CPNE3: variants seen among roughly 807,000 people sequenced by gnomAD.
The protein encoded by CPNE3 is copine-3.
In CPNE3, 68 loss-of-function variants were observed where a neutral mutation model predicts 63.9. That is an observed-to-expected ratio of 1.06 (90% CI 0.87 to 1.30). CPNE3 has a LOEUF of 1.30. Ranked by LOEUF, CPNE3 falls within the 50% of genes most tolerant of loss-of-function variation. CPNE3 has a pLI of 0.00. For synonymous variants in CPNE3, 219 were observed against 197.5 expected, an observed-to-expected ratio of 1.11 and a Z score of -0.91; for missense variants, 665 against 578.1, an observed-to-expected ratio of 1.15 and a Z score of -1.54.
At position 86,551,100 on chromosome 8, in the gene CPNE3, G is replaced by T; in HGVS notation, c.1068G>T (p.Gln356His). 6.2e-7 allele frequency: 1 copy of T among 1,612,910 alleles called. No homozygotes were observed. ...GFGAQIPPQWQVSHEFPMNFN... is the reference protein window; with the variant it reads ...GFGAQIPPQWHVSHEFPMNFN... ...GCGCTCAGATACCTCCTCAGTGGCAGGTAAGAGGAAATCTCTATTTTAAAG... is the reference window on the plus strand; with the variant it reads ...GCGCTCAGATACCTCCTCAGTGGCATGTAAGAGGAAATCTCTATTTTAAAG... The change falls in exon 13 of 17, where the codon CAG becomes CAT. Residue 356 changes from glutamine (Q) to histidine (H), a missense_variant and splice_region_variant. Coordinates refer to ENST00000517490, the MANE Select transcript of CPNE3 (RefSeq NM_003909.5).
At position 86,558,339 on chromosome 8, in the gene CPNE3, G is replaced by A. The variant is rs202033475; in HGVS notation, c.1543G>A (p.Val515Met). The A allele has an allele frequency of 4.6e-6, 4 of 872,822 alleles. No homozygotes were observed. In the African/African-American group the frequency reaches 6.5e-5, roughly 14 times the overall value. 54.1% of individuals were successfully genotyped at this position (872,822 alleles called of 1,614,324 possible). A position where few individuals can be genotyped will look rare whatever the true frequency, so the allele number is the denominator to read the frequency against. Residue 515 changes from valine to methionine, a missense_variant, in exon 17 of 17, where the codon GTG (valine) becomes ATG (methionine). Physicochemically the swap from Val to Met is conservative, Grantham distance 21. Transcript: ENST00000517490. The part of the protein sequence containing the change: ...QCVLAEIPQQ[V>M]VGYFNTYKLL... ...TGTCTTGGCAGAGATTCCCCAGCAG[G>A]TGGTGGGCTACTTCAATACATACAA...
rs139751117 is a variant in CPNE3, at chr8:86,548,986, A to G, written c.1013+552A>G. On this transcript the variant is annotated intron_variant, in intron 12 of 16. Coordinates refer to ENST00000517490, the MANE Select transcript of CPNE3 (RefSeq NM_003909.5). ...TGAAGGATAACTAGATCTAATTGCT[A>G]TGAAATATTCTGAATGGTTATCAAT... 8.9e-3 allele frequency among the ~76,000 whole-genome samples: 1,357 copies of G among 152,308 alleles called. 10 individuals carry two copies. Among genetic ancestry groups the G allele is most frequent in the Admixed American group, 0.022 (333 of 15,308 alleles).
At chr8:86,524,642 A>G (rs932261360) in intron 2 of CPNE3, 3 of 151,556 alleles carry the variant, frequency 2.0e-5, no homozygotes, top group Non-Finnish European at 2.9e-5. Flanking sequence ...TTTCATACTA[A>G]AAGAGTATAA....
chr8:86,544,709 T>C (rs1202190879), intron 8 of CPNE3, 31 bp from the exon 9 acceptor site: 10 of 1,097,682 alleles, frequency 9.1e-6, no homozygotes, highest in Non-Finnish European at 1.2e-5. Flanking sequence ...CTATATTGAT[T>C]TTTATATATT....
intron 12 of CPNE3, among the ~76,000 whole-genome samples, 160 bp downstream of exon 12, chr8:86,548,594 C>T (rs1268741619): frequency 6.6e-6 from 1 of 152,184 alleles, no homozygotes; most frequent in Admixed American, 6.5e-5. Flanking sequence ...TTGTGGCAAT[C>T]TTGCTGTTTA....
chr8:86,557,676 C>T (rs1821352150), intron 16 of CPNE3, among the ~76,000 whole-genome samples: 1 of 152,060 alleles, frequency 6.6e-6, no homozygotes, highest in Admixed American at 6.6e-5. Context: ...AGTTCTGTAT[C>T]TCAATTGTGG....
intron 4 of CPNE3, among the ~76,000 whole-genome samples, chr8:86,529,402 G>T (rs1412551720): frequency 2.0e-5 from 3 of 152,140 alleles, no homozygotes; most frequent in Non-Finnish European, 4.4e-5. Context: ...TTTAGCTGCT[G>T]CAGAGTTCTC....
At chr8:86,545,479 G>C (rs1554601837) in intron 9 of CPNE3, 1 of 152,122 alleles carries the variant, frequency 6.6e-6, no homozygotes. Flanking sequence ...TTTTCAATGA[G>C]AATTCGGTTT....
At chr8:86,532,773 A>G (rs2131451085) in intron 6 of CPNE3, among the ~76,000 whole-genome samples, 193 bp downstream of exon 6, 1 of 152,294 alleles carries the variant, frequency 6.6e-6, no homozygotes, top group Admixed American at 6.5e-5. Context: ...TTTCATCTAG[A>G]TGTAATCAAA....
chr8:86,516,036 G>A (rs924121416), intron 2 of CPNE3, among the ~76,000 whole-genome samples: 5 of 152,172 alleles, frequency 3.3e-5, no homozygotes, highest in African/African-American at 7.2e-5. Flanking sequence ...TTGCCTTTGC[G>A]AGAATTATTA....
chr8:86,532,670 C>T, intron 6 of CPNE3, 90 bp downstream of exon 6: 2 of 1,086,378 alleles, frequency 1.8e-6, no homozygotes, highest in Non-Finnish European at 2.8e-6. Context: ...TGAACTCCAT[C>T]ATTGAGCATC....
intron 2 of CPNE3, among the ~76,000 whole-genome samples, chr8:86,523,159 G>C (rs1321466836): frequency 6.6e-6 from 1 of 152,176 alleles, no homozygotes; most frequent in Non-Finnish European, 1.5e-5. Flanking sequence ...GCATGCTACA[G>C]ACCTACAGTT....
chr8:86,552,011 C>CT (rs932507118), intron 14 of CPNE3, among the ~76,000 whole-genome samples: 15 of 152,068 alleles, frequency 9.9e-5, no homozygotes, highest in African/African-American at 2.7e-4. Context: ...AGTGCTGCTT[C>CT]TTTTTTTTAC....
At chr8:86,533,314 G>A (rs905566653) in intron 6 of CPNE3, among the ~76,000 whole-genome samples, 3 of 152,074 alleles carry the variant, frequency 2.0e-5, no homozygotes, top group Non-Finnish European at 4.4e-5. Flanking sequence ...AGGCCGAGGT[G>A]GGGAGATCAC....
chr8:86,546,100 AAG>A (rs2131480478), intron 9 of CPNE3, among the ~76,000 whole-genome samples: 1 of 152,256 alleles, frequency 6.6e-6, no homozygotes, highest in South Asian at 2.1e-4. Context: ...TCCCAGTGGA[AAG>A]AGAAGATCTT....
rs769178251 is a variant in CPNE3, at chr8:86,548,483, A to G, written c.1013+49A>G. The G allele has an allele frequency of 3.1e-6, 5 of 1,610,344 alleles. No homozygotes were observed. In the East Asian group the frequency reaches 8.9e-5, roughly 29 times the overall value. On this transcript the variant is annotated intron_variant, in intron 12 of 16. Transcript: ENST00000517490. ...AAAATACATGTTTTCACAATTCCCC[A>G]GAAAGGGTAGTTTGTTTCATCGGCT...
At chr8:86,557,383 G>A (rs897221435) in intron 16 of CPNE3, among the ~76,000 whole-genome samples, 7 of 152,088 alleles carry the variant, frequency 4.6e-5, no homozygotes, top group African/African-American at 1.2e-4. Context: ...TGATCCACTC[G>A]CCTCGGCCTC....
At chr8:86,551,487 T>G (rs1821177073) in intron 14 of CPNE3, 1 of 375,512 alleles carries the variant, frequency 2.7e-6, no homozygotes. Flanking sequence ...TAAATCCTCC[T>G]ACCTTAAGAA....
At chr8:86,530,774 C>A (rs962261836) in intron 4 of CPNE3, among the ~76,000 whole-genome samples, 1 of 151,478 alleles carries the variant, frequency 6.6e-6, no homozygotes, top group Admixed American at 6.6e-5. Context: ...TCACTGCAAC[C>A]TCTGCCTCCT....
Sources: gnomAD v4.1 joint callset for allele counts (sites outside exome capture counted in the v4.1 genomes callset) on GRCh38, gnomAD v4.1.1 for gene constraint, MANE v1.5 for transcripts, NCBI Gene and HGNC (gene_info 2026-07-23, HGNC 2026-07-21) for gene names.